The following RNF152 variants were observed in gnomAD, a reference collection of about 807,000 sequenced individuals.
RNF152 encodes the protein ring finger protein 152.
Under a neutral mutation model 12.7 loss-of-function variants are expected in RNF152, and 11 were observed. The ratio of observed to expected loss-of-function variants is 0.86; its 90% CI spans 0.54 to 1.43. The LOEUF (loss-of-function observed/expected upper bound fraction) is 1.43, where lower values mean the gene tolerates loss of function less well. Among genes scored for constraint, RNF152 ranks in the 40% most tolerant of loss-of-function variants. RNF152 has a pLI of 0.00. For synonymous variants in RNF152, 113 were observed against 120.3 expected (o/e 0.94, Z 0.40); for missense variants, 255 against 274.8 (o/e 0.93, Z 0.51).
chr18:61,878,219 T>C (rs2144751176), intron 1 of RNF152, among the ~76,000 whole-genome samples: 1 of 152,268 alleles, frequency 6.6e-6, no homozygotes, highest in Admixed American at 6.5e-5. Context: ...TAGAGGACAT[T>C]TGGCAATGTC....
At chr18:61,822,033 C>T (rs1160135827) in intron 1 of RNF152, among the ~76,000 whole-genome samples, 1 of 152,110 alleles carries the variant, frequency 6.6e-6, no homozygotes, top group South Asian at 2.1e-4. Context: ...AGATGTGATA[C>T]TCCAATAAAA....
rs34966668 is a variant in RNF152, at chr18:61,808,387, T to TAAAAAAAAAAAAAAAAAAA, written c.*7446_*7464dup. 1 of 50,794 alleles carries TAAAAAAAAAAAAAAAAAAA rather than the reference T, an allele frequency of 2.0e-5. No homozygotes were observed. The highest frequency in any genetic ancestry group is 7.1e-5 in the African/African-American group (1 of 14,114). The allele number at this position is 50,794 out of a possible 1,614,324, so 3.1% of individuals were successfully genotyped here. A position where few individuals can be genotyped will look rare whatever the true frequency, so the allele number is the denominator to read the frequency against. On this transcript the variant is annotated 3_prime_UTR_variant, in exon 2 of 2. Transcript: ENST00000312828. ...TTTATCTGTAGGGCTATTTGGCCCT[T>TAAAAAAAAAAAAAAAAAAA]AAAAAAAAAAAAAAAAAAAAAAAAA...
rs768498630 is a variant in RNF152, at chr18:61,816,029, C to T, written c.435G>A (p.Gly145=). The change falls in exon 2 of 2, where the codon GGG becomes GGA. Residue 145 remains glycine, a synonymous_variant. Transcript: ENST00000312828. The part of the protein sequence containing the change: ...IPAEQQPLQG[G]APQEAVEEEQ... ...CCTCCTCCACCGCCTCCTGGGGAGC[C>T]CCACCTTGCAGAGGCTGCTGTTCAG... The T allele has an allele frequency of 1.2e-6, 2 of 1,614,212 alleles. No individual in the cohort carries two copies. The highest frequency in any genetic ancestry group is 1.7e-5 in the Admixed American group (1 of 60,030).
At chr18:61,817,527 T>G (rs1006832168) in intron 1 of RNF152, among the ~76,000 whole-genome samples, 1 of 152,166 alleles carries the variant, frequency 6.6e-6, no homozygotes, top group Non-Finnish European at 1.5e-5. Context: ...GTTCTCAGGA[T>G]GCAAAGCCCC....
At chr18:61,837,116 C>G (rs77258967) in intron 1 of RNF152, among the ~76,000 whole-genome samples, 1 of 152,106 alleles carries the variant, frequency 6.6e-6, no homozygotes, top group Non-Finnish European at 1.5e-5. Context: ...TGAAGTATCA[C>G]GCCTAAATGT....
At chr18:61,882,720 C>T (rs1039164657) in intron 1 of RNF152, among the ~76,000 whole-genome samples, 7 of 152,182 alleles carry the variant, frequency 4.6e-5, no homozygotes, top group Non-Finnish European at 8.8e-5. Flanking sequence ...TGGAGCCCAG[C>T]TCCTGAGATC....
intron 1 of RNF152, among the ~76,000 whole-genome samples, chr18:61,869,122 T>C (rs1036564477): frequency 9.2e-5 from 14 of 152,218 alleles, no homozygotes; most frequent in African/African-American, 3.1e-4. Flanking sequence ...AAGTTCACCA[T>C]GTCTCTCTAA....
intron 1 of RNF152, among the ~76,000 whole-genome samples, chr18:61,880,913 CTTTTTTTT>C (rs71179000): frequency 7.6e-6 from 1 of 131,812 alleles, no homozygotes; most frequent in African/African-American, 2.9e-5. Context: ...CTCTAGTTTT[CTTTTTTTT>C]TTTTTTTTTG....
At chr18:61,863,286 T>C (rs1051678185) in intron 1 of RNF152, among the ~76,000 whole-genome samples, 2 of 151,840 alleles carry the variant, frequency 1.3e-5, no homozygotes, top group Non-Finnish European at 2.9e-5. Context: ...TACAAAAAAA[T>C]TAGCCAGGCG....
intron 1 of RNF152, among the ~76,000 whole-genome samples, chr18:61,818,033 A>G: frequency 1.3e-5 from 2 of 152,132 alleles, no homozygotes; most frequent in Admixed American, 1.3e-4. Flanking sequence ...CTTAAAAGTG[A>G]CCCTTCTTTT....
At chr18:61,822,936 C>A (rs1455017364) in intron 1 of RNF152, among the ~76,000 whole-genome samples, 4 of 152,196 alleles carry the variant, frequency 2.6e-5, no homozygotes, top group Non-Finnish European at 5.9e-5. Context: ...TGGGATTAAA[C>A]AAAATAATCA....
At chr18:61,844,319 T>C (rs939605951) in intron 1 of RNF152, among the ~76,000 whole-genome samples, 2 of 152,202 alleles carry the variant, frequency 1.3e-5, no homozygotes, top group Admixed American at 6.5e-5. Flanking sequence ...ATGATACTAA[T>C]CATTTTGTAT....
intron 1 of RNF152, among the ~76,000 whole-genome samples, chr18:61,846,960 C>T (rs1486377281): frequency 6.6e-6 from 1 of 152,112 alleles, no homozygotes; most frequent in Non-Finnish European, 1.5e-5. Flanking sequence ...TGAGTATCTG[C>T]TTCTTCATGT....
intron 1 of RNF152, among the ~76,000 whole-genome samples, chr18:61,867,151 C>T (rs1006015943): frequency 2.0e-5 from 3 of 152,164 alleles, no homozygotes; most frequent in Admixed American, 2.0e-4. Context: ...GTTACCCATG[C>T]ATGGCAAATA....
intron 1 of RNF152, among the ~76,000 whole-genome samples, chr18:61,839,033 C>G (rs905804101): frequency 3.4e-5 from 5 of 147,500 alleles, no homozygotes; most frequent in African/African-American, 1.2e-4. Flanking sequence ...ACATAATGTT[C>G]ATCAGATCCC....
At chr18:61,829,649 G>T (rs529930146) in intron 1 of RNF152, among the ~76,000 whole-genome samples, 2 of 151,542 alleles carry the variant, frequency 1.3e-5, no homozygotes, top group Admixed American at 6.6e-5. Flanking sequence ...GTGAAGAGGG[G>T]AGGACCAGGA....
intron 1 of RNF152, chr18:61,875,021 A>C (rs1421394657): frequency 1.3e-5 from 2 of 152,300 alleles, no homozygotes; most frequent in Non-Finnish European, 2.9e-5. Context: ...CCCCTGGGAT[A>C]TGCCATGGTC....
chr18:61,876,535 A>C (rs990700762), intron 1 of RNF152, among the ~76,000 whole-genome samples: 2 of 152,226 alleles, frequency 1.3e-5, no homozygotes, highest in Non-Finnish European at 2.9e-5. Flanking sequence ...AAAATACAGG[A>C]GATCTCAGAG....
At chr18:61,893,642 G>C (rs1382297733), upstream of RNF152, 1 of 152,448 alleles carries the variant, frequency 6.6e-6, no homozygotes, top group African/African-American at 2.4e-5. Context: ...ATCCCGGGAG[G>C]GGCCCTGGGG....
Sources: gnomAD v4.1 joint callset for allele counts (sites outside exome capture counted in the v4.1 genomes callset) on GRCh38, gnomAD v4.1.1 for gene constraint, MANE v1.5 for transcripts, NCBI Gene and HGNC (gene_info 2026-07-23, HGNC 2026-07-21) for gene names.